The following ABCB11 variants were observed in gnomAD, a reference collection of about 807,000 sequenced individuals.
ABCB11 encodes the protein bile salt export pump.
Under a neutral mutation model 148.0 loss-of-function variants are expected in ABCB11, and 95 were observed. The ratio of observed to expected loss-of-function variants is 0.64; its 90% CI spans 0.54 to 0.76. The LOEUF (loss-of-function observed/expected upper bound fraction) is 0.76. ABCB11 is among the 30% of genes least tolerant of loss of function. ABCB11 has a pLI of 0.00. For synonymous variants in ABCB11, 591 were observed against 555.4 expected, an observed-to-expected ratio of 1.06 and a Z score of -0.90; for missense variants, 1,523 against 1,617.8, an observed-to-expected ratio of 0.94 and a Z score of 1.01.
intron 21 of ABCB11, 111 bp downstream of exon 21, chr2:168,944,494 C>T: frequency 4.1e-6 from 5 of 1,220,628 alleles, no homozygotes; most frequent in Non-Finnish European, 5.6e-6. Flanking sequence ...TAGGATATCC[C>T]AATCCCACTG....
At chr2:169,012,670 G>T (rs1055380414) in intron 5 of ABCB11, among the ~76,000 whole-genome samples, 1 of 150,698 alleles carries the variant, frequency 6.6e-6, no homozygotes, top group African/African-American at 2.4e-5. Context: ...AACCCAAGAG[G>T]CAGAGGCTGC....
intron 10 of ABCB11, among the ~76,000 whole-genome samples, chr2:168,981,762 C>T (rs1451480852): frequency 6.6e-6 from 1 of 152,156 alleles, no homozygotes; most frequent in Non-Finnish European, 1.5e-5. Context: ...ATATTTTAGG[C>T]TTTTCAGGCC....
chr2:168,940,576 G>A (rs2105905571), intron 21 of ABCB11, among the ~76,000 whole-genome samples: 1 of 152,222 alleles, frequency 6.6e-6, no homozygotes, highest in Non-Finnish European at 1.5e-5. Context: ...AGTGCAAGGT[G>A]AAGCAGCAGT....
intron 1 of ABCB11, among the ~76,000 whole-genome samples, chr2:169,023,055 C>T (rs1695581530): frequency 6.6e-6 from 1 of 151,900 alleles, no homozygotes; most frequent in South Asian, 2.1e-4. Context: ...ATGAAATATC[C>T]AGTAGTACAA....
At chr2:169,021,029 C>G (rs1268700318) in intron 1 of ABCB11, among the ~76,000 whole-genome samples, 2 of 151,594 alleles carry the variant, frequency 1.3e-5, no homozygotes, top group East Asian at 3.9e-4. Flanking sequence ...GTGGCTCAAT[C>G]TTGGCTCACT....
chr2:168,969,189 T>A (rs1173608670), intron 16 of ABCB11, among the ~76,000 whole-genome samples, 161 bp downstream of exon 16: 1 of 151,584 alleles, frequency 6.6e-6, no homozygotes, highest in African/African-American at 2.4e-5. Context: ...CTTGATCAGA[T>A]AGCTTAGCTT....
At chr2:168,931,732 G>T (rs186959857) in intron 24 of ABCB11, among the ~76,000 whole-genome samples, 4 of 152,242 alleles carry the variant, frequency 2.6e-5, no homozygotes, top group Admixed American at 1.3e-4. Context: ...TCATTCATTT[G>T]GGAACTAAGT....
At chr2:168,952,526 T>C (rs1415894264) in intron 19 of ABCB11, among the ~76,000 whole-genome samples, 1 of 151,558 alleles carries the variant, frequency 6.6e-6, no homozygotes, top group South Asian at 2.1e-4. Flanking sequence ...TAATAGTCTG[T>C]GATAATCTTT....
intron 1 of ABCB11, among the ~76,000 whole-genome samples, chr2:169,018,510 G>A (rs773998351): frequency 6.6e-6 from 1 of 152,166 alleles, no homozygotes; most frequent in East Asian, 1.9e-4. Flanking sequence ...TTAAAACCAT[G>A]AGAAAGGCAA....
rs1558900539 is a variant in ABCB11 at position 168,975,279 on chromosome 2, ATG to A, written c.1308+1296_1308+1297del. On this transcript the variant is annotated intron_variant, in intron 12 of 27. Transcript: ENST00000650372. ...TATTTAAATATTTATAGATAAATAT[ATG>A]AATATTTAAATATTTTTATATTTAA... 1.7e-4 allele frequency among the ~76,000 whole-genome samples: 13 copies of A among 75,370 alleles called. 5 individuals are homozygous for A. Among genetic ancestry groups the A allele is most frequent in the African/African-American group, 8.7e-4 (13 of 15,000 alleles). The allele number at this position is 75,370 out of a possible 152,430, so 49.4% of individuals were successfully genotyped here.
chr2:168,965,751 C>T (rs1179606595), intron 17 of ABCB11, among the ~76,000 whole-genome samples: 1 of 151,818 alleles, frequency 6.6e-6, no homozygotes, highest in Non-Finnish European at 1.5e-5. Flanking sequence ...AATCCATTCA[C>T]ATATCTTTCT....
At chr2:168,995,296 G>A in intron 7 of ABCB11, 53 bp downstream of exon 7, 1 of 1,536,250 alleles carries the variant, frequency 6.5e-7, no homozygotes, top group Middle Eastern at 1.7e-4. Context: ...TAGAAACAAG[G>A]GTTTTATTAT....
intron 16 of ABCB11, 90 bp from the exon 17 acceptor site, chr2:168,968,580 T>C (rs78357422): frequency 9.2e-7 from 1 of 1,086,102 alleles, no homozygotes; most frequent in Admixed American, 2.5e-5. Flanking sequence ...GCTTAGAATA[T>C]AATTACTATG....
In ABCB11 at chr2:169,013,570, C is replaced by T. The variant is rs915453942; in HGVS notation, c.151-60G>A. On this transcript the variant is annotated intron_variant, in intron 4 of 27. Transcript: ENST00000650372. ...GTGAAGAGCAGGAGAGGTAGGAGGA[C>T]TACTTAATTTAGTTACTAGATTCTC... 10 of 1,386,264 alleles carry T rather than the reference C, an allele frequency of 7.2e-6. No individual in the cohort carries two copies. In the African/African-American group the frequency reaches 1.4e-4, roughly 20 times the overall value. 85.9% of individuals were successfully genotyped at this position (1,386,264 alleles called of 1,614,324 possible).
At chr2:168,942,258 G>A (rs1360327220) in intron 21 of ABCB11, among the ~76,000 whole-genome samples, 1 of 151,722 alleles carries the variant, frequency 6.6e-6, no homozygotes, top group Non-Finnish European at 1.5e-5. Context: ...CTAGAGTCTT[G>A]TTTGTATGTC....
rs3755157 is a variant in ABCB11 at position 168,935,661 on chromosome 2, C to T, written c.2815-236G>A. 0.17 allele frequency among the ~76,000 whole-genome samples: 26,041 copies of T among 152,008 alleles called. 2,740 individuals are homozygous for T. The highest frequency in any genetic ancestry group is 0.32 in the East Asian group (1,651 of 5,140). On this transcript the variant is annotated intron_variant, in intron 22 of 27. Coordinates refer to ENST00000650372, the MANE Select transcript of ABCB11 (RefSeq NM_003742.4). The stretch of plus-strand genomic sequence containing the variant: ...TATACTTGAGAAGTGTTTATGCTAC[C>T]ATCCCTCATTTACCCCCCAAGGACA...
At chr2:168,925,682 C>G (rs1411916048) in intron 26 of ABCB11, among the ~76,000 whole-genome samples, 2 of 152,182 alleles carry the variant, frequency 1.3e-5, no homozygotes, top group Non-Finnish European at 1.5e-5. Flanking sequence ...TTCCACAACA[C>G]GAGCTGTTTC....
At chr2:168,955,317 T>TA (rs1692741573) in intron 19 of ABCB11, among the ~76,000 whole-genome samples, 1 of 151,650 alleles carries the variant, frequency 6.6e-6, no homozygotes, top group African/African-American at 2.4e-5. Context: ...CTGGGTAATT[T>TA]ATGAAGAAAA....
At chr2:168,944,365 G>A (rs1402683630) in intron 21 of ABCB11, among the ~76,000 whole-genome samples, 2 of 151,976 alleles carry the variant, frequency 1.3e-5, no homozygotes, top group Admixed American at 6.6e-5. Flanking sequence ...AGACTCAGAG[G>A]AAATCCAAAA....
Sources: gnomAD v4.1 joint callset for allele counts (sites outside exome capture counted in the v4.1 genomes callset) on GRCh38, gnomAD v4.1.1 for gene constraint, MANE v1.5 for transcripts, NCBI Gene and HGNC (gene_info 2026-07-23, HGNC 2026-07-21) for gene names.